Variants in ITPK1 observed in about 807,000 individuals in gnomAD.
ITPK1 encodes inositol-tetrakisphosphate 1-kinase.
A neutral mutation model predicts 45.3 loss-of-function variants in ITPK1; 21 were observed. The ratio of observed to expected loss-of-function variants is 0.46; its 90% confidence interval spans 0.33 to 0.67. The LOEUF (loss-of-function observed/expected upper bound fraction) is 0.67, where lower values mean the gene tolerates loss of function less well. Among genes scored for constraint, ITPK1 ranks in the 30% least tolerant of loss-of-function variants. The pLI is 0.02. For synonymous variants in ITPK1, 258 were observed against 253.6 expected, an observed-to-expected ratio of 1.02 and a Z score of -0.16; for missense variants, 474 against 573.5, an observed-to-expected ratio of 0.83 and a Z score of 1.77.
chr14:93,030,965 C>G (rs1181543107), intron 3 of ITPK1, among the ~76,000 whole-genome samples: 1 of 152,148 alleles, frequency 6.6e-6, no homozygotes, highest in Non-Finnish European at 1.5e-5. Context: ...CCGGGAACGC[C>G]AAAGATGGCT....
chr14:93,069,771 G>C (rs1890913587), intron 3 of ITPK1: 1 of 152,192 alleles, frequency 6.6e-6, no homozygotes, highest in African/African-American at 2.4e-5. Context: ...GCCTTTTCTT[G>C]GTGGTTTGAT....
intron 4 of ITPK1, among the ~76,000 whole-genome samples, chr14:93,008,339 A>G (rs1320797894): frequency 1.3e-5 from 2 of 152,254 alleles, no homozygotes; most frequent in African/African-American, 4.8e-5. Context: ...CCAGCAGGGC[A>G]GGGGCTGCGT....
In ITPK1 at chr14:92,940,137, C is replaced by A; in HGVS notation, c.*1424G>T. 1.0e-6 allele frequency: 1 copy of A among 985,780 alleles called. No homozygotes were observed. Among genetic ancestry groups the A allele is most frequent in the South Asian group, 4.7e-5 (1 of 21,276 alleles). The allele number at this position is 985,780 out of a possible 1,614,324, so 61.1% of individuals were successfully genotyped here. On this transcript the variant is annotated 3_prime_UTR_variant, in exon 11 of 11. Transcript: ENST00000267615. ...AGCCCAGCTGAGCCAGGCCGAAGGA[C>A]CTCCATGCACTGGCTCGGGGGCCTC... is the stretch of plus-strand genomic sequence containing the variant.
intron 3 of ITPK1, chr14:93,067,752 A>G (rs1040718295): frequency 2.0e-5 from 3 of 152,570 alleles, no homozygotes; most frequent in Admixed American, 2.0e-4. Flanking sequence ...CCTTCCCAGC[A>G]CCTCATGTAT....
intron 3 of ITPK1, among the ~76,000 whole-genome samples, chr14:93,061,097 C>T (rs1175457378): frequency 1.3e-5 from 2 of 152,212 alleles, no homozygotes; most frequent in African/African-American, 2.4e-5. Flanking sequence ...GACAACTTAA[C>T]ATGCAAGCTG....
intron 2 of ITPK1, among the ~76,000 whole-genome samples, chr14:93,107,039 T>C (rs576913685): frequency 6.6e-6 from 1 of 151,870 alleles, no homozygotes; most frequent in East Asian, 1.9e-4. Context: ...CTCACTGCAA[T>C]CTCCACCTCC....
chr14:93,000,974 T>TA (rs201265189), intron 4 of ITPK1, among the ~76,000 whole-genome samples: 3,525 of 81,456 alleles, frequency 0.043, 254 homozygotes, highest in African/African-American at 0.15. Context: ...AGACTCCAAC[T>TA]AAAAAAAAAA....
intron 3 of ITPK1, among the ~76,000 whole-genome samples, chr14:93,021,735 T>C (rs1325849711): frequency 6.6e-6 from 1 of 151,988 alleles, no homozygotes; most frequent in East Asian, 1.9e-4. Flanking sequence ...AGAACAACTC[T>C]CATTCTCAAA....
chr14:93,050,578 A>G (rs1889963969), intron 3 of ITPK1, among the ~76,000 whole-genome samples: 1 of 152,012 alleles, frequency 6.6e-6, no homozygotes, highest in African/African-American at 2.4e-5. Flanking sequence ...GCACACTTTG[A>G]GGGCCTGCCT....
intron 2 of ITPK1, among the ~76,000 whole-genome samples, chr14:93,099,223 T>C (rs368367233): frequency 7.2e-5 from 11 of 151,906 alleles, no homozygotes; most frequent in Admixed American, 4.6e-4. Flanking sequence ...GGAGTGGCCC[T>C]CCCCAGACCA....
rs1888210784 is a variant in ITPK1 at position 93,016,888 on chromosome 14, A to G, written c.121-87T>C. The G allele has an allele frequency of 6.4e-7, 1 of 1,552,914 alleles. No homozygotes were observed. Among genetic ancestry groups the G allele is most frequent in the South Asian group, 1.2e-5 (1 of 84,098 alleles). ...CCTCTTGTCCACCCTGGGGCATATC[A>G]CCAGAGGACCCTCGAGCCTCCCTGT... On this transcript the variant is annotated intron_variant, in intron 3 of 10. Transcript: ENST00000267615. This position sits in a 1 kb window ranked among gnomAD's most constrained non-coding sequence, Gnocchi z 5.0.
intron 2 of ITPK1, among the ~76,000 whole-genome samples, chr14:93,114,081 T>C (rs1238861568): frequency 6.6e-6 from 1 of 152,238 alleles, no homozygotes; most frequent in South Asian, 2.1e-4. Context: ...GAGCCCATTT[T>C]CAAAAATCAG....
chr14:92,998,613 G>T (rs1887179340), intron 4 of ITPK1, among the ~76,000 whole-genome samples: 1 of 152,194 alleles, frequency 6.6e-6, no homozygotes. Context: ...CTGGGAGGTG[G>T]CACCTGGGAG....
Position 92,938,488 on chromosome 14 carries a change from C to G in ITPK1, c.*3073G>C. On this transcript the variant is annotated 3_prime_UTR_variant, in exon 11 of 11. Coordinates refer to ENST00000267615, the MANE Select transcript of ITPK1 (RefSeq NM_014216.6). ...ACATGTGACAGCTTCCTACTTCAGT[C>G]GGTCTTCCAGCCTTCTATAAAGCAC... The G allele has an allele frequency of 6.2e-7, 1 of 1,612,728 alleles. No homozygotes were observed. Among genetic ancestry groups the G allele is most frequent in the Non-Finnish European group, 8.5e-7 (1 of 1,178,692 alleles).
Position 92,946,313 on chromosome 14 carries a change from G to T in ITPK1, c.901+18C>A, listed in dbSNP as rs773731034. The T allele has an allele frequency of 2.5e-6, 4 of 1,612,068 alleles. No homozygotes were observed. Among genetic ancestry groups the T allele is most frequent in the African/African-American group, 2.7e-5 (2 of 74,930 alleles). Reference sequence around the variant, plus strand: ...TCTCTGGAGGCCGGTCAGTGGAGGTGGCCTGGCCGCCACTCACCTGGGAAG... The same window carrying T: ...TCTCTGGAGGCCGGTCAGTGGAGGTTGCCTGGCCGCCACTCACCTGGGAAG... On this transcript the variant is annotated intron_variant, in intron 10 of 10. Coordinates refer to ENST00000267615, the MANE Select transcript of ITPK1 (RefSeq NM_014216.6).
chr14:93,051,531 G>A (rs543113023), intron 3 of ITPK1, among the ~76,000 whole-genome samples: 6 of 145,234 alleles, frequency 4.1e-5, no homozygotes, highest in South Asian at 2.2e-4. Flanking sequence ...CAGGGGAATC[G>A]CTTGAGCCTG....
chr14:93,024,469 A>T (rs2139873976), intron 3 of ITPK1, among the ~76,000 whole-genome samples: 1 of 152,270 alleles, frequency 6.6e-6, no homozygotes, highest in East Asian at 1.9e-4. Context: ...CCAGCCATCG[A>T]TTACCTCCCT....
chr14:92,963,567 G>C (rs899304239), intron 5 of ITPK1, among the ~76,000 whole-genome samples: 1 of 152,184 alleles, frequency 6.6e-6, no homozygotes, highest in African/African-American at 2.4e-5. Flanking sequence ...CTCCAGCCCA[G>C]GCCGCGCCTG....
chr14:93,059,867 A>C (rs1302277328), intron 3 of ITPK1, among the ~76,000 whole-genome samples: 1 of 13,802 alleles, frequency 7.2e-5, no homozygotes, highest in Non-Finnish European at 1.3e-4. Context: ...AGGGGGTGCA[A>C]GTCACGAGGC....
Sources: allele counts gnomAD v4.1 joint callset (sites outside exome capture counted in the v4.1 genomes callset), GRCh38; gene constraint gnomAD v4.1.1; non-coding constraint Gnocchi (gnomAD v3.1); transcripts MANE v1.5; gene names NCBI Gene and HGNC (gene_info 2026-07-23, HGNC 2026-07-21).